CADPS2: variants seen among roughly 807,000 people sequenced by gnomAD.
CADPS2 encodes calcium-dependent secretion activator 2.
In CADPS2, 93 loss-of-function variants were observed where a neutral mutation model predicts 172.5. The ratio of observed to expected loss-of-function variants is 0.54; its 90% CI spans 0.46 to 0.64. The LOEUF (loss-of-function observed/expected upper bound fraction) is 0.64, where lower values mean the gene tolerates loss of function less well. Ranked by LOEUF, CADPS2 falls within the 30% of genes least tolerant of loss-of-function variation. CADPS2 has a pLI of 0.00. For missense variants in CADPS2, 1,420 were observed against 1,565.9 expected, an observed-to-expected ratio of 0.91 and a Z score of 1.57; for synonymous variants, 546 against 555.2, an observed-to-expected ratio of 0.98 and a Z score of 0.23.
At chr7:122,851,144 C>A (rs951517845) in intron 1 of CADPS2, among the ~76,000 whole-genome samples, 6 of 152,138 alleles carry the variant, frequency 3.9e-5, no homozygotes, top group African/African-American at 1.4e-4. Context: ...ATTAAACATG[C>A]AAAAGACATC....
Position 122,724,678 on chromosome 7 carries a change from T to A in CADPS2, c.453+12277A>T, listed in dbSNP as rs893471006. On this transcript the variant is annotated intron_variant, in intron 2 of 29. Transcript: ENST00000449022. ...GTATGGGAAGGTTACATAAACTCCG[T>A]CAGTCACACAGATCTGGAAGTCCAA... 5.3e-5 allele frequency among the ~76,000 whole-genome samples: 8 copies of A among 152,044 alleles called. No individual in the cohort carries two copies. The East Asian group carries it at 1.5e-3, about 29-fold the overall frequency.
At chr7:122,724,421 C>T (rs190182454) in intron 2 of CADPS2, among the ~76,000 whole-genome samples, 18 of 152,062 alleles carry the variant, frequency 1.2e-4, no homozygotes, top group Non-Finnish European at 2.5e-4. Flanking sequence ...TCTGAAGCAG[C>T]TTATAATTAT....
intron 6 of CADPS2, among the ~76,000 whole-genome samples, chr7:122,604,852 G>A (rs953972343): frequency 2.6e-5 from 4 of 152,022 alleles, no homozygotes; most frequent in Admixed American, 6.6e-5. Context: ...ATTGCTTAAC[G>A]ATGGGAATAG....
intron 1 of CADPS2, among the ~76,000 whole-genome samples, chr7:122,837,448 C>G (rs55768795): frequency 6.6e-6 from 1 of 151,850 alleles, no homozygotes; most frequent in Non-Finnish European, 1.5e-5. Flanking sequence ...CTGAAGGCGA[C>G]AGAGACACAA....
intron 3 of CADPS2, among the ~76,000 whole-genome samples, chr7:122,660,031 T>C (rs2080344722): frequency 2.0e-5 from 3 of 152,022 alleles, no homozygotes; most frequent in Non-Finnish European, 4.4e-5. Flanking sequence ...GAAAATAATA[T>C]CAGTAAGAAA....
chr7:122,380,294 T>C (rs1266926504), intron 24 of CADPS2, among the ~76,000 whole-genome samples: 1 of 152,094 alleles, frequency 6.6e-6, no homozygotes, highest in Non-Finnish European at 1.5e-5. Context: ...TTGTCCCCAA[T>C]AGCCACTTCA....
chr7:122,828,844 C>T (rs759334257), intron 1 of CADPS2, among the ~76,000 whole-genome samples: 14 of 152,150 alleles, frequency 9.2e-5, no homozygotes, highest in Non-Finnish European at 1.6e-4. Flanking sequence ...TGATAATATT[C>T]TAAGCCATGG....
intron 11 of CADPS2, among the ~76,000 whole-genome samples, chr7:122,482,763 C>T (rs926806872): frequency 1.3e-5 from 2 of 151,974 alleles, no homozygotes; most frequent in African/African-American, 2.4e-5. Flanking sequence ...ATGGAACTGA[C>T]AGTTCAGAAG....
rs145923724 is a variant in CADPS2, at chr7:122,356,910, A to T, written c.3504+3878T>A. On this transcript the variant is annotated intron_variant, in intron 27 of 29. Transcript: ENST00000449022. ...TTTTTCAGCACCAGCCATTTCTCCA[A>T]TGAGCCCTGGTTCATTTCATTAAAG... is the stretch of plus-strand genomic sequence containing the variant. Among the ~76,000 whole-genome samples, 493 of 152,112 alleles carry T rather than the reference A, an allele frequency of 3.2e-3. 1 individual carries two copies. The highest frequency in any genetic ancestry group is 0.011 in the African/African-American group (468 of 41,506).
At chr7:122,879,883 G>A (rs1448534847) in intron 1 of CADPS2, among the ~76,000 whole-genome samples, 1 of 152,266 alleles carries the variant, frequency 6.6e-6, no homozygotes, top group Admixed American at 6.5e-5. Context: ...AAGATTTGAG[G>A]AAAATAGAAG....
intron 11 of CADPS2, among the ~76,000 whole-genome samples, chr7:122,485,974 C>T (rs1380328249): frequency 1.3e-5 from 2 of 152,128 alleles, no homozygotes; most frequent in East Asian, 1.9e-4. Context: ...CATCTGTTTA[C>T]AGCATAGTTT....
At chr7:122,781,626 A>G (rs781247586) in intron 1 of CADPS2, among the ~76,000 whole-genome samples, 7 of 152,188 alleles carry the variant, frequency 4.6e-5, no homozygotes, top group Non-Finnish European at 8.8e-5. Context: ...TCCTTTCTTA[A>G]TCTATCCTTT....
At position 122,630,913 on chromosome 7, in the gene CADPS2, A is replaced by G. The variant is rs377390055; in HGVS notation, c.787-1585T>C. 2.1e-4 allele frequency among the ~76,000 whole-genome samples: 32 copies of G among 152,298 alleles called. No individual in the cohort carries two copies. The East Asian group carries it at 5.0e-3, about 24-fold the overall frequency. On this transcript the variant is annotated intron_variant, in intron 3 of 29. Coordinates refer to ENST00000449022, the MANE Select transcript of CADPS2 (RefSeq NM_017954.11). ...AAATCCTTGTTATATAGGAGTTTCT[A>G]TGTCATCTCATAAAACTAACAAACA...
chr7:122,681,064 G>A (rs1218315816), intron 2 of CADPS2, among the ~76,000 whole-genome samples: 9 of 147,920 alleles, frequency 6.1e-5, no homozygotes, highest in Non-Finnish European at 1.3e-4. Flanking sequence ...TCACTCATAG[G>A]TGGGAATTGA....
intron 27 of CADPS2, among the ~76,000 whole-genome samples, chr7:122,350,251 AG>A (rs1189315942): frequency 1.3e-5 from 2 of 152,242 alleles, no homozygotes; most frequent in African/African-American, 4.8e-5. Context: ...TTGAAATTGT[AG>A]TAGGAGCAAT....
chr7:122,429,082 T>C (rs537660322), intron 17 of CADPS2, among the ~76,000 whole-genome samples: 3 of 151,952 alleles, frequency 2.0e-5, no homozygotes, highest in Admixed American at 6.6e-5. Flanking sequence ...TCAAGGAAAA[T>C]TAGAATTTTA....
At chr7:122,541,847 TCATATATATTTATATATATG>T (rs201564513) in intron 8 of CADPS2, among the ~76,000 whole-genome samples, 8,085 of 127,324 alleles carry the variant, frequency 0.063, 381 homozygotes, top group South Asian at 0.17. Context: ...GTTTATATAT[TCATATATATTTATATATATG>T]CATATATATT....
intron 7 of CADPS2, among the ~76,000 whole-genome samples, chr7:122,579,388 G>A (rs1405678783): frequency 2.7e-5 from 4 of 149,910 alleles, no homozygotes; most frequent in African/African-American, 9.8e-5. Context: ...TAGAAAAGTT[G>A]TCTTTCTAGT....
At chr7:122,717,406 G>T (rs10464665) in intron 2 of CADPS2, among the ~76,000 whole-genome samples, 10,069 of 152,090 alleles carry the variant, frequency 0.066, 384 homozygotes, top group South Asian at 0.17. Context: ...TTTAGAATAG[G>T]TAAGAATATT....
Sources: gnomAD v4.1 joint callset for allele counts (sites outside exome capture counted in the v4.1 genomes callset) on GRCh38, gnomAD v4.1.1 for gene constraint, MANE v1.5 for transcripts, NCBI Gene and HGNC (gene_info 2026-07-23, HGNC 2026-07-21) for gene names.